PLPP3: variants seen among roughly 807,000 people sequenced by gnomAD.
PLPP3 encodes the protein phospholipid phosphatase 3, also known as PAP2 beta.
In PLPP3, 6 loss-of-function variants were observed where a neutral mutation model predicts 29.6. That is an observed-to-expected ratio of 0.20 (90% CI 0.11 to 0.40). PLPP3 has a LOEUF of 0.40. Ranked by LOEUF, PLPP3 falls within the 10% of genes least tolerant of loss-of-function variation. PLPP3 has a pLI of 1.00. For synonymous variants in PLPP3, 152 were observed against 159.7 expected, an observed-to-expected ratio of 0.95 and a Z score of 0.36; for missense variants, 308 against 407.7, an observed-to-expected ratio of 0.76 and a Z score of 2.11.
chr1:56,533,458 T>A (rs190985484), intron 2 of PLPP3, among the ~76,000 whole-genome samples: 3 of 152,040 alleles, frequency 2.0e-5, no homozygotes, highest in Admixed American at 2.0e-4. Context: ...TGATAAGTAA[T>A]TGTGGAAGGA....
At chr1:56,500,726 C>T (rs1043499186) in intron 5 of PLPP3, among the ~76,000 whole-genome samples, 5 of 152,126 alleles carry the variant, frequency 3.3e-5, no homozygotes, top group African/African-American at 9.7e-5. Flanking sequence ...TGTTGGAGGT[C>T]AGGTGCAGTG....
Position 56,571,270 on chromosome 1 carries a change from T to C in PLPP3, c.139+7608A>G, listed in dbSNP as rs575351993. ...TGATAATGACTGCAGCAACTACCTC[T>C]TGAGTGTCTCTATGCACCAGGCACT... On this transcript the variant is annotated intron_variant, in intron 1 of 5. Transcript: ENST00000371250. 2.0e-5 allele frequency among the ~76,000 whole-genome samples: 3 copies of C among 152,338 alleles called. No homozygotes were observed. The South Asian group carries it at 6.2e-4, about 32-fold the overall frequency.
In PLPP3 at chr1:56,496,517, A is replaced by G. The variant is rs199779037; in HGVS notation, c.*34T>C. ...CAGCAAGAACTTGCTGTCAGCAGTC[A>G]TTTTACAAAAACAGCTCAGGAGGTG... On this transcript the variant is annotated 3_prime_UTR_variant, in exon 6 of 6. Coordinates refer to ENST00000371250, the MANE Select transcript of PLPP3 (RefSeq NM_003713.5). 6.2e-7 allele frequency: 1 copy of G among 1,610,974 alleles called. No individual in the cohort carries two copies. The highest frequency in any genetic ancestry group is 1.7e-5 in the Admixed American group (1 of 59,938).
intron 1 of PLPP3, chr1:56,538,968 A>C (rs1243604610): frequency 6.6e-6 from 1 of 151,450 alleles, no homozygotes; most frequent in East Asian, 1.9e-4. Flanking sequence ...GCAAAAAAAA[A>C]AAACACAGTG....
chr1:56,512,300 C>T, intron 4 of PLPP3, 148 bp from the exon 5 acceptor site: 2 of 720,934 alleles, frequency 2.8e-6, no homozygotes, highest in Non-Finnish European at 4.2e-6. Flanking sequence ...TTGAACATGA[C>T]CTCAAGCCAG....
intron 5 of PLPP3, among the ~76,000 whole-genome samples, chr1:56,497,383 C>A (rs1019205948): frequency 1.3e-5 from 2 of 152,192 alleles, no homozygotes; most frequent in African/African-American, 4.8e-5. Context: ...ATGGCACAGG[C>A]ATAGTTCCTG....
At chr1:56,547,487 T>C (rs1375469638) in intron 1 of PLPP3, among the ~76,000 whole-genome samples, 2 of 151,950 alleles carry the variant, frequency 1.3e-5, no homozygotes, top group Non-Finnish European at 2.9e-5. Context: ...TAATAAAGAG[T>C]AGACAATTCC....
intron 5 of PLPP3, among the ~76,000 whole-genome samples, chr1:56,499,584 GAAC>G (rs1645652908): frequency 6.6e-6 from 1 of 152,138 alleles, no homozygotes; most frequent in Admixed American, 6.5e-5. Flanking sequence ...ACTTGAGGGG[GAAC>G]CACATACTCA....
intron 1 of PLPP3, among the ~76,000 whole-genome samples, chr1:56,545,066 CT>C (rs1222960936): frequency 6.6e-6 from 1 of 152,234 alleles, no homozygotes; most frequent in East Asian, 1.9e-4. Flanking sequence ...TCTTTCAAGA[CT>C]TAAATATCCT....
At chr1:56,532,937 G>T (rs997325199) in intron 2 of PLPP3, among the ~76,000 whole-genome samples, 1 of 152,266 alleles carries the variant, frequency 6.6e-6, no homozygotes, top group South Asian at 2.1e-4. Flanking sequence ...TTTGGAAGGT[G>T]GGGGAGGAGA....
At chr1:56,502,188 T>A (rs1645672246) in intron 5 of PLPP3, among the ~76,000 whole-genome samples, 1 of 152,176 alleles carries the variant, frequency 6.6e-6, no homozygotes, top group African/African-American at 2.4e-5. Flanking sequence ...TTAATTTTGT[T>A]AAGGGCAGAT....
At chr1:56,500,935 C>T (rs567478003) in intron 5 of PLPP3, among the ~76,000 whole-genome samples, 10 of 129,218 alleles carry the variant, frequency 7.7e-5, no homozygotes, top group Middle Eastern at 9.9e-3. Flanking sequence ...ACCTGGGAGG[C>T]GGAGGTTTCA....
chr1:56,534,937 T>C (rs1645914836), intron 2 of PLPP3, among the ~76,000 whole-genome samples: 1 of 152,156 alleles, frequency 6.6e-6, no homozygotes, highest in Non-Finnish European at 1.5e-5. Flanking sequence ...TAAATAACTA[T>C]AAGATAAGAG....
At chr1:56,531,474 G>A (rs114372020) in intron 2 of PLPP3, among the ~76,000 whole-genome samples, 12 of 152,134 alleles carry the variant, frequency 7.9e-5, no homozygotes, top group Non-Finnish European at 1.8e-4. Flanking sequence ...GGTATCACCC[G>A]GCACCTACCT....
At chr1:56,554,571 CAAAA>C (rs1377385549) in intron 1 of PLPP3, among the ~76,000 whole-genome samples, 2 of 93,606 alleles carry the variant, frequency 2.1e-5, no homozygotes, top group Non-Finnish European at 2.1e-5. Flanking sequence ...GACTCCATCT[CAAAA>C]AAAAAAAAAA....
chr1:56,557,262 C>T (rs1444778512), intron 1 of PLPP3, among the ~76,000 whole-genome samples: 1 of 151,246 alleles, frequency 6.6e-6, no homozygotes, highest in Non-Finnish European at 1.5e-5. Flanking sequence ...CCTGTAACCC[C>T]AGCTACTCGG....
At chr1:56,504,194 C>G (rs1329145837) in intron 5 of PLPP3, among the ~76,000 whole-genome samples, 1 of 152,194 alleles carries the variant, frequency 6.6e-6, no homozygotes, top group East Asian at 1.9e-4. Context: ...GCGGAGCATG[C>G]TGCTGTGTGC....
chr1:56,537,699 T>C (rs1243585409), intron 1 of PLPP3, among the ~76,000 whole-genome samples: 1 of 151,470 alleles, frequency 6.6e-6, no homozygotes, highest in Non-Finnish European at 1.5e-5. Context: ...ACACACAACC[T>C]CTAGCACAGT....
chr1:56,513,065 A>G (rs1368227379), intron 4 of PLPP3: 1 of 152,222 alleles, frequency 6.6e-6, no homozygotes, highest in Non-Finnish European at 1.5e-5. Context: ...CACCACTTGG[A>G]ACTATGGATA....
Sources: allele counts gnomAD v4.1 joint callset (sites outside exome capture counted in the v4.1 genomes callset), GRCh38; gene constraint gnomAD v4.1.1; transcripts MANE v1.5; gene names NCBI Gene and HGNC (gene_info 2026-07-23, HGNC 2026-07-21).